The following MAF variants were observed in gnomAD, a reference collection of about 807,000 sequenced individuals.
MAF encodes the protein transcription factor Maf.
In MAF, 10 loss-of-function variants were observed where a neutral mutation model predicts 22.0. The ratio of observed to expected loss-of-function variants is 0.45; its 90% CI spans 0.28 to 0.77. The LOEUF (loss-of-function observed/expected upper bound fraction) is 0.77, where lower values mean the gene tolerates loss of function less well. MAF is among the 30% of genes least tolerant of loss of function. MAF has a pLI of 0.12. For missense variants in MAF, 544 were observed against 548.4 expected (o/e 0.99, Z 0.08); for synonymous variants, 337 against 255.8 (o/e 1.32, Z -3.03).
chr16:79,359,052 C>A, the MAF span, among the ~76,000 whole-genome samples: 1 of 152,200 alleles, frequency 6.6e-6, no homozygotes, highest in African/African-American at 2.4e-5. Context: ...ATCTAGACAA[C>A]AAAGGAGCCA....
chr16:79,480,392 A>C, the MAF span, among the ~76,000 whole-genome samples: 1 of 152,118 alleles, frequency 6.6e-6, no homozygotes, highest in Non-Finnish European at 1.5e-5. Context: ...AAAAAAAGCC[A>C]ATTCCAAGCA....
chr16:79,598,665 GGGGGTGGGGGT>G, intron 1 of MAF, 109 bp downstream of exon 1: 1 of 1,543,330 alleles, frequency 6.5e-7, no homozygotes, highest in Non-Finnish European at 8.7e-7. Context: ...CAAACTCGGT[GGGGGTGGGGGT>G]GGTGAGGTGG....
downstream of MAF, among the ~76,000 whole-genome samples, chr16:79,581,793 T>C (rs903615420): frequency 2.6e-5 from 4 of 152,194 alleles, no homozygotes; most frequent in Admixed American, 1.3e-4. Flanking sequence ...AGTTGTACAA[T>C]GCACCCCTGG....
At chr16:79,503,529 G>C in the MAF span, among the ~76,000 whole-genome samples, 1 of 152,090 alleles carries the variant, frequency 6.6e-6, no homozygotes, top group Non-Finnish European at 1.5e-5. Context: ...CTCCCTACTG[G>C]ACAGAAATCA....
the MAF span, among the ~76,000 whole-genome samples, chr16:79,385,264 T>C: frequency 0.01 from 1,599 of 152,346 alleles, 16 homozygotes; most frequent in Non-Finnish European, 0.018. Flanking sequence ...TGCCAATATG[T>C]ATGAATCAAT....
the MAF span, chr16:79,264,560 G>A: frequency 2.6e-5 from 4 of 152,206 alleles, no homozygotes; most frequent in South Asian, 2.1e-4. Flanking sequence ...GCGAGGCTGA[G>A]CCAGGATTTG....
chr16:79,290,131 A>G, the MAF span, among the ~76,000 whole-genome samples: 1 of 152,112 alleles, frequency 6.6e-6, no homozygotes, highest in African/African-American at 2.4e-5. Context: ...TGCTGGGATT[A>G]CAGGCCTGAG....
the MAF span, among the ~76,000 whole-genome samples, chr16:79,578,473 T>C: frequency 2.6e-5 from 4 of 152,182 alleles, no homozygotes; most frequent in African/African-American, 7.2e-5. Context: ...TGTAAAGATT[T>C]TATTATGTAG....
the MAF span, among the ~76,000 whole-genome samples, chr16:79,267,633 G>T: frequency 6.6e-6 from 1 of 152,218 alleles, no homozygotes; most frequent in Non-Finnish European, 1.5e-5. Flanking sequence ...GTATGACATG[G>T]AGAGAGTTCT....
the MAF span, among the ~76,000 whole-genome samples, chr16:79,543,211 G>C: frequency 1.3e-5 from 2 of 152,188 alleles, no homozygotes; most frequent in African/African-American, 2.4e-5. Flanking sequence ...GACAAAGGTA[G>C]GCGCGATCCA....
chr16:79,308,183 C>T, the MAF span, among the ~76,000 whole-genome samples: 1 of 152,242 alleles, frequency 6.6e-6, no homozygotes, highest in African/African-American at 2.4e-5. Context: ...CGGATCACTG[C>T]AGCTGAATTG....
At chr16:79,358,724 T>A in the MAF span, among the ~76,000 whole-genome samples, 1 of 152,230 alleles carries the variant, frequency 6.6e-6, no homozygotes, top group Admixed American at 6.5e-5. Flanking sequence ...GAGCACTAAC[T>A]TTTAAGACTG....
chr16:79,535,917 G>C, the MAF span, among the ~76,000 whole-genome samples: 1 of 152,172 alleles, frequency 6.6e-6, no homozygotes, highest in Admixed American at 6.5e-5. Flanking sequence ...TTAGCTATAT[G>C]TGATACCGCC....
chr16:79,599,908 TGCCGCC>T lies in MAF; in HGVS notation c.-12_-7del, dbSNP rs5818251. On this transcript the variant is annotated 5_prime_UTR_variant, in exon 1 of 2. Transcript: ENST00000326043. ...ATTGCCAGTTCTGATGCCATTCTCC[TGCCGCC>T]GCCGCCGCCGCCGCCGCCGCTCCGC... 492 of 1,466,666 alleles carry T rather than the reference TGCCGCC, an allele frequency of 3.4e-4. No individual in the cohort carries two copies. The highest frequency in any genetic ancestry group is 1.8e-3 in the Admixed American group (102 of 55,182). The allele number at this position is 1,466,666 out of a possible 1,614,324, so 90.9% of individuals were successfully genotyped here.
chr16:79,438,805 A>G, the MAF span, among the ~76,000 whole-genome samples: 1 of 152,192 alleles, frequency 6.6e-6, no homozygotes, highest in Non-Finnish European at 1.5e-5. Flanking sequence ...AAGGAAAGCA[A>G]TAATGATCAC....
At chr16:79,564,409 T>C in the MAF span, among the ~76,000 whole-genome samples, 16 of 152,318 alleles carry the variant, frequency 1.1e-4, no homozygotes, top group Non-Finnish European at 2.4e-4. Flanking sequence ...GTCAACAGTG[T>C]CAACTGGGGA....
At chr16:79,272,362 G>C in the MAF span, among the ~76,000 whole-genome samples, 1 of 152,218 alleles carries the variant, frequency 6.6e-6, no homozygotes, top group Non-Finnish European at 1.5e-5. Context: ...TTTAGTACGA[G>C]CCCAAGAGTA....
chr16:79,266,580 T>C, the MAF span, among the ~76,000 whole-genome samples: 8 of 152,354 alleles, frequency 5.3e-5, no homozygotes, highest in African/African-American at 1.9e-4. Context: ...ATATGCATGA[T>C]ATCAAGATCT....
At chr16:79,213,244 G>A in the MAF span, among the ~76,000 whole-genome samples, 11 of 152,126 alleles carry the variant, frequency 7.2e-5, no homozygotes, top group Non-Finnish European at 1.5e-4. Context: ...GCAGCTTCAG[G>A]CCAGACAATG....
Sources: gnomAD v4.1 joint callset for allele counts (sites outside exome capture counted in the v4.1 genomes callset) on GRCh38, gnomAD v4.1.1 for gene constraint, MANE v1.5 for transcripts, NCBI Gene and HGNC (gene_info 2026-07-23, HGNC 2026-07-21) for gene names.